The following LRRC31 variants were observed in gnomAD, a reference collection of about 807,000 sequenced individuals.
LRRC31 encodes the protein leucine rich repeat containing 31, also known as leucine-rich repeat-containing protein 31.
Under a neutral mutation model 46.7 loss-of-function variants are expected in LRRC31, and 35 were observed. The observed-to-expected ratio is 0.75, with a 90% confidence interval of 0.57 to 0.99. LRRC31 has a LOEUF of 0.99. Ranked by LOEUF, LRRC31 falls within the 50% of genes least tolerant of loss-of-function variation. The pLI, the probability that LRRC31 is intolerant of heterozygous loss-of-function variation, is 0.00. For synonymous variants in LRRC31, 236 were observed against 235.1 expected (o/e 1.00, Z -0.03); for missense variants, 613 against 626.1 (o/e 0.98, Z 0.22).
At position 169,848,050 on chromosome 3, in the gene LRRC31, C is replaced by T. The variant is rs1780656577; in HGVS notation, c.1327+70G>A. The T allele has an allele frequency of 2.6e-5, 39 of 1,494,652 alleles. No homozygotes were observed. The South Asian group carries it at 4.7e-4, about 18-fold the overall frequency. The allele number at this position is 1,494,652 out of a possible 1,614,324, so 92.6% of individuals were successfully genotyped here. A position where few individuals can be genotyped will look rare whatever the true frequency, so the allele number is the denominator to read the frequency against. On this transcript the variant is annotated intron_variant, in intron 8 of 8. Coordinates refer to ENST00000316428, the MANE Select transcript of LRRC31 (RefSeq NM_024727.4). ...TCTGGTACCTCCCCCACCTCCCCAC[C>T]TGGTGCTTTGCAGGGGCCGCACCCA...
chr3:169,852,298 G>T (rs988449413), intron 6 of LRRC31, among the ~76,000 whole-genome samples: 31 of 151,058 alleles, frequency 2.1e-4, no homozygotes, highest in Middle Eastern at 3.2e-3. Flanking sequence ...AGCTACTCGG[G>T]AGGCTGAGAC....
At chr3:169,869,005 T>C (rs1576807138) in intron 1 of LRRC31, among the ~76,000 whole-genome samples, 1 of 152,040 alleles carries the variant, frequency 6.6e-6, no homozygotes, top group Admixed American at 6.6e-5. Context: ...ATATTTATCC[T>C]TTGTTTACAA....
At position 169,842,507 on chromosome 3, in the gene LRRC31, T is replaced by C. The variant is rs1407272366; in HGVS notation, c.1328-2194A>G. Reference sequence around the variant, plus strand: ...CTGGGATTACAGGCACCTGCCACCATGCCCAGCTAATTTGTGTACTTTTAG... The same window carrying C: ...CTGGGATTACAGGCACCTGCCACCACGCCCAGCTAATTTGTGTACTTTTAG... On this transcript the variant is annotated intron_variant, in intron 8 of 8. Transcript: ENST00000316428. Among the ~76,000 whole-genome samples, 23 of 152,108 alleles carry C rather than the reference T, an allele frequency of 1.5e-4. 2 individuals are homozygous for C. The highest frequency in any genetic ancestry group is 1.5e-3 in the Admixed American group (23 of 15,258).
intron 8 of LRRC31, among the ~76,000 whole-genome samples, chr3:169,845,774 C>A (rs2108201613): frequency 6.6e-6 from 1 of 152,154 alleles, no homozygotes; most frequent in South Asian, 2.1e-4. Context: ...TGGAAAAAAT[C>A]TTTGAGAACT....
intron 6 of LRRC31, among the ~76,000 whole-genome samples, chr3:169,852,296 G>A (rs191664864): frequency 1.3e-5 from 2 of 151,136 alleles, no homozygotes; most frequent in African/African-American, 2.4e-5. Context: ...CCAGCTACTC[G>A]GGAGGCTGAG....
At chr3:169,851,573 C>T (rs761902252) in intron 7 of LRRC31, 46 bp downstream of exon 7, 16 of 1,554,696 alleles carry the variant, frequency 1.0e-5, no homozygotes, top group Admixed American at 2.0e-5. Flanking sequence ...AAGTCTCCCT[C>T]GCACATTATT....
chr3:169,856,820 G>C lies in LRRC31; in HGVS notation c.540C>G (p.Asn180Lys). The C allele has an allele frequency of 6.2e-7, 1 of 1,609,294 alleles. No homozygotes were observed. Among genetic ancestry groups the C allele is most frequent in the Non-Finnish European group, 8.5e-7 (1 of 1,177,910 alleles). ...GAGGCAAATTTCCTCCCACTTTACT[G>C]TTCCAAGACAAATTTAGCTCTTCAA... ...PELEELNLSW[N>K]SKVGGNLPLI... The change falls in exon 4 of 9, where the codon AAC (asparagine) becomes AAG (lysine). Residue 180 changes from asparagine (N) to lysine (K), a missense_variant. Physicochemically the swap from Asn to Lys is moderately conservative, Grantham distance 94 (BLOSUM62 0). Coordinates refer to ENST00000316428, the MANE Select transcript of LRRC31 (RefSeq NM_024727.4).
intron 8 of LRRC31, among the ~76,000 whole-genome samples, chr3:169,841,933 T>TACG (rs1780462292): frequency 1.3e-5 from 2 of 151,966 alleles, no homozygotes. Flanking sequence ...TAATCCCAGC[T>TACG]ACTCGGGAGG....
At chr3:169,843,340 G>A (rs532939430) in intron 8 of LRRC31, among the ~76,000 whole-genome samples, 4 of 152,312 alleles carry the variant, frequency 2.6e-5, no homozygotes, top group South Asian at 4.1e-4. Flanking sequence ...CAAGGTCCTC[G>A]ACTCTGTCAA....
intron 6 of LRRC31, among the ~76,000 whole-genome samples, chr3:169,854,349 T>C (rs77810693): frequency 0.028 from 4,310 of 152,224 alleles, 226 homozygotes; most frequent in African/African-American, 0.096. Context: ...AGTAGGAAAA[T>C]AAGTGTAGTT....
chr3:169,857,083 C>A (rs997998737), intron 3 of LRRC31, among the ~76,000 whole-genome samples: 1 of 151,832 alleles, frequency 6.6e-6, no homozygotes, highest in African/African-American at 2.4e-5. Flanking sequence ...ATTCTAATCC[C>A]TCCAAAATTC....
intron 1 of LRRC31, among the ~76,000 whole-genome samples, chr3:169,869,091 C>G (rs1234215782): frequency 2.0e-5 from 3 of 150,330 alleles, no homozygotes; most frequent in South Asian, 2.2e-4. Flanking sequence ...CTAAAAGAGG[C>G]CTGGTGTGAT....
intron 8 of LRRC31, 119 bp from the exon 9 acceptor site, chr3:169,840,432 A>G: frequency 9.3e-7 from 1 of 1,073,228 alleles, no homozygotes. Flanking sequence ...ATTAGTAATG[A>G]TTTGTTATTA....
intron 3 of LRRC31, among the ~76,000 whole-genome samples, chr3:169,859,297 A>C (rs1781074049): frequency 7.2e-6 from 1 of 138,842 alleles, no homozygotes; most frequent in African/African-American, 2.8e-5. Context: ...CACCGTCTCA[A>C]AAAAAAAAAG....
Position 169,839,919 on chromosome 3 carries a change from A to T in LRRC31, c.*63T>A, listed in dbSNP as rs1275238513. Reference sequence around the variant, plus strand: ...TTGAAATTCAGTTCATGACTCTGGAATTCGTTCATGTTCTTTTCCTTTGGA... The same window carrying T: ...TTGAAATTCAGTTCATGACTCTGGATTTCGTTCATGTTCTTTTCCTTTGGA... On this transcript the variant is annotated 3_prime_UTR_variant, in exon 9 of 9. Coordinates refer to ENST00000316428, the MANE Select transcript of LRRC31 (RefSeq NM_024727.4). 6 of 1,342,048 alleles carry T rather than the reference A, an allele frequency of 4.5e-6. No homozygotes were observed. In the Admixed American group the frequency reaches 1.3e-4, roughly 30 times the overall value. The allele number at this position is 1,342,048 out of a possible 1,614,324, so 83.1% of individuals were successfully genotyped here. A position where few individuals can be genotyped will look rare whatever the true frequency, so the allele number is the denominator to read the frequency against.
At chr3:169,865,426 C>A (rs572311989) in intron 1 of LRRC31, among the ~76,000 whole-genome samples, 7 of 149,858 alleles carry the variant, frequency 4.7e-5, no homozygotes, top group East Asian at 2.1e-4. Flanking sequence ...GAGATTGAGG[C>A]CTTTTCCTAG....
chr3:169,848,474 TTGAGACAGAGCCTTGCTC>T (rs1001021576), intron 7 of LRRC31, among the ~76,000 whole-genome samples, 187 bp from the exon 8 acceptor site: 2 of 152,150 alleles, frequency 1.3e-5, no homozygotes, highest in Admixed American at 1.3e-4. Context: ...GTTTTTTGTT[TTGAGACAGAGCCTTGCTC>T]TGTCACCAGG....
intron 7 of LRRC31, among the ~76,000 whole-genome samples, chr3:169,850,353 C>T (rs1780721459): frequency 6.6e-6 from 1 of 152,188 alleles, no homozygotes; most frequent in Admixed American, 6.5e-5. Context: ...TCACCATGTC[C>T]TGCTCCCAGC....
chr3:169,852,381 C>A (rs888515353), intron 6 of LRRC31, among the ~76,000 whole-genome samples: 1 of 132,560 alleles, frequency 7.5e-6, no homozygotes, highest in African/African-American at 2.8e-5. Flanking sequence ...CCAGCCCGGG[C>A]GACAGAGTGA....
Sources: gnomAD v4.1 joint callset for allele counts (sites outside exome capture counted in the v4.1 genomes callset) on GRCh38, gnomAD v4.1.1 for gene constraint, MANE v1.5 for transcripts, NCBI Gene and HGNC (gene_info 2026-07-23, HGNC 2026-07-21) for gene names.